Variants in BABAM2 observed in about 807,000 individuals in gnomAD.
The protein encoded by BABAM2 is BRISC and BRCA1-A complex member 2.
A neutral mutation model predicts 54.7 loss-of-function variants in BABAM2; 31 were observed. The ratio of observed to expected loss-of-function variants is 0.57; its 90% CI spans 0.43 to 0.77. BABAM2 has a LOEUF of 0.77. Among genes scored for constraint, BABAM2 ranks in the 30% least tolerant of loss-of-function variants. The probability of loss-of-function intolerance (pLI) is 0.00; values close to 1 mark genes in which losing one functional copy is unlikely to be tolerated. For missense variants in BABAM2, 364 were observed against 455.8 expected (o/e 0.80, Z 1.83); for synonymous variants, 167 against 162.9 (o/e 1.03, Z -0.19).
At chr2:28,135,908 G>A (rs534865808) in intron 7 of BABAM2, among the ~76,000 whole-genome samples, 3 of 152,212 alleles carry the variant, frequency 2.0e-5, no homozygotes, top group East Asian at 1.9e-4. Flanking sequence ...TTATCCATGT[G>A]GAACTGTCAC....
At chr2:27,927,371 C>T (rs192732501) in intron 2 of BABAM2, among the ~76,000 whole-genome samples, 2 of 152,232 alleles carry the variant, frequency 1.3e-5, no homozygotes, top group Non-Finnish European at 2.9e-5. Context: ...ATTTGATCCC[C>T]AAGCCCCAAA....
intron 10 of BABAM2, among the ~76,000 whole-genome samples, chr2:28,278,817 G>A (rs1686093132): frequency 6.6e-6 from 1 of 152,216 alleles, no homozygotes; most frequent in African/African-American, 2.4e-5. Flanking sequence ...CACGAAGGCA[G>A]CAGAGGACCG....
At chr2:28,001,431 A>C (rs1358725299) in intron 4 of BABAM2, among the ~76,000 whole-genome samples, 1 of 152,220 alleles carries the variant, frequency 6.6e-6, no homozygotes, top group Non-Finnish European at 1.5e-5. Context: ...TGTTTATTGA[A>C]TACCTCATAT....
chr2:28,106,101 T>C (rs1274713961), intron 6 of BABAM2, among the ~76,000 whole-genome samples: 1 of 152,150 alleles, frequency 6.6e-6, no homozygotes, highest in Non-Finnish European at 1.5e-5. Context: ...TACTTTAGTA[T>C]GTATTTCTTA....
At chr2:28,070,560 T>TTTTTC (rs1664037148) in intron 6 of BABAM2, among the ~76,000 whole-genome samples, 1 of 151,304 alleles carries the variant, frequency 6.6e-6, no homozygotes, top group African/African-American at 2.4e-5. Context: ...TCTTTTCTTT[T>TTTTTC]TTTTTTTGAG....
chr2:28,167,110 G>T (rs1673760438), intron 7 of BABAM2, among the ~76,000 whole-genome samples: 2 of 152,190 alleles, frequency 1.3e-5, no homozygotes, highest in African/African-American at 4.8e-5. Context: ...GGAATTGACA[G>T]TTTTCTGCAG....
intron 10 of BABAM2, among the ~76,000 whole-genome samples, chr2:28,297,728 G>A (rs965980692): frequency 1.3e-5 from 2 of 152,172 alleles, no homozygotes; most frequent in Non-Finnish European, 2.9e-5. Context: ...TGAAACTGCT[G>A]AGTATCAAAA....
Position 28,221,111 on chromosome 2 carries a change from C to CCTCTCT in BABAM2, c.681-16075_681-16070dup, listed in dbSNP as rs72394956. On this transcript the variant is annotated intron_variant, in intron 7 of 11. Coordinates refer to ENST00000379624, the MANE Select transcript of BABAM2 (RefSeq NM_199191.3). Reference sequence around the variant, plus strand: ...GCTTCTCTCTCTCTTTCCCTTTTTTCCTCTCTCTCTCTCTCTCTCTCCACT... The same window carrying CCTCTCT: ...GCTTCTCTCTCTCTTTCCCTTTTTTCCTCTCTCTCTCTCTCTCTCTCTCTCTCCACT... 2.0e-5 allele frequency among the ~76,000 whole-genome samples: 3 copies of CCTCTCT among 148,504 alleles called. No individual in the cohort carries two copies. In the East Asian group the frequency reaches 5.9e-4, roughly 29 times the overall value.
intron 10 of BABAM2, among the ~76,000 whole-genome samples, chr2:28,267,429 A>G (rs1028016720): frequency 6.9e-6 from 1 of 144,072 alleles, no homozygotes. Flanking sequence ...GACTAGACAC[A>G]CACACACATA....
rs182730622 is a variant in BABAM2, at chr2:28,325,365, C to A, written c.1089-13085C>A. On this transcript the variant is annotated intron_variant, in intron 11 of 11. Transcript: ENST00000379624. The surrounding 1 kb of genome is among the most constrained non-coding windows in gnomAD (Gnocchi z 4.3). ...TCCTCCTCCTGTGCTTGCCCCCAGC[C>A]TCTCTACTGCATGATTACAGAAGAC... 4.5e-4 allele frequency among the ~76,000 whole-genome samples: 68 copies of A among 152,308 alleles called. No homozygotes were observed. Among genetic ancestry groups the A allele is most frequent in the African/African-American group, 1.6e-3 (66 of 41,560 alleles).
chr2:28,026,839 TATAA>T (rs1290345979), intron 5 of BABAM2, among the ~76,000 whole-genome samples: 4 of 60,862 alleles, frequency 6.6e-5, no homozygotes, highest in Admixed American at 2.6e-4. Flanking sequence ...TATAAATATA[TATAA>T]ATATATATTT....
In BABAM2 at chr2:28,244,164, T is replaced by G. The variant is rs1206014652; in HGVS notation, c.852-616T>G. 2.0e-5 allele frequency among the ~76,000 whole-genome samples: 3 copies of G among 152,078 alleles called. No individual in the cohort carries two copies. The East Asian group carries it at 5.8e-4, about 29-fold the overall frequency. ...GCATCCACCCATCTAGTGTTGCTACTTTGCCTTAAGCCCAGTGGGAAGGAC... is the reference window on the plus strand; with the variant it reads ...GCATCCACCCATCTAGTGTTGCTACGTTGCCTTAAGCCCAGTGGGAAGGAC... On this transcript the variant is annotated intron_variant, in intron 9 of 11. Coordinates refer to ENST00000379624, the MANE Select transcript of BABAM2 (RefSeq NM_199191.3).
intron 11 of BABAM2, among the ~76,000 whole-genome samples, chr2:28,323,214 T>TGAA (rs1318394645): frequency 1.3e-5 from 2 of 152,030 alleles, no homozygotes; most frequent in African/African-American, 4.8e-5. Flanking sequence ...CATGAGTGTG[T>TGAA]GAATATTTAG....
At chr2:28,225,346 C>T (rs1314270572) in intron 7 of BABAM2, among the ~76,000 whole-genome samples, 2 of 152,116 alleles carry the variant, frequency 1.3e-5, no homozygotes, top group Non-Finnish European at 2.9e-5. Flanking sequence ...AGACTGAACA[C>T]GGTTAACACC....
At chr2:27,936,284 A>G (rs571900494) in intron 3 of BABAM2, among the ~76,000 whole-genome samples, 32 of 152,216 alleles carry the variant, frequency 2.1e-4, no homozygotes, top group Non-Finnish European at 3.4e-4. Flanking sequence ...CAATGATTAA[A>G]AAGTCAGGAA....
chr2:28,249,622 A>T (rs373030737), intron 10 of BABAM2, among the ~76,000 whole-genome samples: 8 of 152,354 alleles, frequency 5.3e-5, no homozygotes, highest in Admixed American at 4.6e-4. Context: ...AGACACAGTT[A>T]TATGAGAGAG....
At chr2:28,112,230 T>TTCCTTCCTTCCTTCCTTC (rs1455321602) in intron 6 of BABAM2, among the ~76,000 whole-genome samples, 2 of 74,752 alleles carry the variant, frequency 2.7e-5, no homozygotes, top group Non-Finnish European at 5.5e-5. Flanking sequence ...TTCCTTCCTT[T>TTCCTTCCTTCCTTCCTTC]AAGTTCTGGG....
intron 6 of BABAM2, among the ~76,000 whole-genome samples, chr2:28,052,287 CT>C (rs540993353): frequency 3.4e-3 from 462 of 134,670 alleles, no homozygotes; most frequent in African/African-American, 4.3e-3. Context: ...TTTTTTTTTG[CT>C]TTTTTTTTTT....
chr2:27,909,917 A>G (rs1666457110), intron 2 of BABAM2, among the ~76,000 whole-genome samples: 1 of 152,260 alleles, frequency 6.6e-6, no homozygotes, highest in East Asian at 1.9e-4. Context: ...AGCTGTTATC[A>G]TTAATAATTT....
Sources: gnomAD v4.1 joint callset for allele counts (sites outside exome capture counted in the v4.1 genomes callset) on GRCh38, gnomAD v4.1.1 for gene constraint, Gnocchi (gnomAD v3.1) non-coding constraint, MANE v1.5 for transcripts, NCBI Gene and HGNC (gene_info 2026-07-23, HGNC 2026-07-21) for gene names.